Variants in AKAP13 observed in about 807,000 individuals in gnomAD.
AKAP13 encodes the protein A-kinase anchoring protein 13.
A neutral mutation model predicts 264.5 loss-of-function variants in AKAP13; 80 were observed. The ratio of observed to expected loss-of-function variants is 0.30; its 90% CI spans 0.25 to 0.36. The LOEUF (loss-of-function observed/expected upper bound fraction) is 0.36, where lower values mean the gene tolerates loss of function less well. Ranked by LOEUF, AKAP13 falls within the 10% of genes least tolerant of loss-of-function variation. The probability of loss-of-function intolerance (pLI) is 1.00; values close to 1 mark genes in which losing one functional copy is unlikely to be tolerated. For missense variants in AKAP13, 3,712 were observed against 3,435.2 expected (o/e 1.08, Z -2.01); for synonymous variants, 1,380 against 1,250.2 (o/e 1.10, Z -2.19).
At chr15:85,672,447 T>C (rs931486387) in intron 14 of AKAP13, among the ~76,000 whole-genome samples, 10 of 152,202 alleles carry the variant, frequency 6.6e-5, no homozygotes, top group African/African-American at 2.4e-4. Flanking sequence ...TGTTAAAGTG[T>C]GTGTGGTATG....
intron 2 of AKAP13, among the ~76,000 whole-genome samples, chr15:85,490,702 T>C (rs2075696723): frequency 6.6e-6 from 1 of 152,232 alleles, no homozygotes; most frequent in African/African-American, 2.4e-5. Flanking sequence ...CTGGGCAATT[T>C]ATTCTTTTAT....
intron 3 of AKAP13, among the ~76,000 whole-genome samples, chr15:85,525,160 G>A (rs774437463): frequency 1.3e-5 from 2 of 148,232 alleles, no homozygotes; most frequent in South Asian, 4.3e-4. Flanking sequence ...TTGGGTTCAC[G>A]CCATCCTCCT....
At chr15:85,630,194 CACACACACACACACATCAT>C (rs767690647) in intron 8 of AKAP13, among the ~76,000 whole-genome samples, 7,033 of 86,820 alleles carry the variant, frequency 0.081, 350 homozygotes, top group Admixed American at 0.21. Context: ...CACACACACA[CACACACACACACACATCAT>C]GAACTAAGAT....
intron 5 of AKAP13, among the ~76,000 whole-genome samples, chr15:85,554,005 G>A (rs1003015983): frequency 1.3e-5 from 2 of 152,116 alleles, no homozygotes; most frequent in South Asian, 2.1e-4. Context: ...TCCTTGGTGC[G>A]AAAAATGCTG....
chr15:85,475,165 G>C (rs2075114215), intron 1 of AKAP13, among the ~76,000 whole-genome samples: 1 of 152,114 alleles, frequency 6.6e-6, no homozygotes, highest in Non-Finnish European at 1.5e-5. Flanking sequence ...CTCTTTGCCG[G>C]ATATCTATTT....
At chr15:85,641,983 G>A (rs1258446781) in intron 9 of AKAP13, among the ~76,000 whole-genome samples, 1 of 152,092 alleles carries the variant, frequency 6.6e-6, no homozygotes, top group African/African-American at 2.4e-5. Flanking sequence ...CTTTTAAAAA[G>A]TTTGTATTAT....
At chr15:85,732,629 CCTTT>C (rs1415168184) in intron 30 of AKAP13, among the ~76,000 whole-genome samples, 1 of 132,410 alleles carries the variant, frequency 7.6e-6, no homozygotes, top group African/African-American at 2.8e-5. Context: ...ATCTCTATTT[CCTTT>C]CTTTCACATT....
chr15:85,507,269 A>C (rs2076255661), intron 2 of AKAP13, among the ~76,000 whole-genome samples: 1 of 152,110 alleles, frequency 6.6e-6, no homozygotes, highest in South Asian at 2.1e-4. Context: ...GTGGTTGGCA[A>C]GCTACAGCCT....
intron 35 of AKAP13, among the ~76,000 whole-genome samples, 187 bp from the exon 36 acceptor site, chr15:85,743,298 GATACTAC>G (rs2089192669): frequency 6.6e-6 from 1 of 152,126 alleles, no homozygotes; most frequent in Non-Finnish European, 1.5e-5. Flanking sequence ...CATGTTTATA[GATACTAC>G]TTGGGGGAGG....
At chr15:85,693,199 A>C in intron 16 of AKAP13, 78 bp from the exon 17 acceptor site, 1 of 1,436,656 alleles carries the variant, frequency 7.0e-7, no homozygotes, top group Non-Finnish European at 9.1e-7. Context: ...TGTTAACCAC[A>C]TGCCATCTGG....
chr15:85,617,914 C>T (rs1468901615), intron 8 of AKAP13, among the ~76,000 whole-genome samples: 1 of 152,162 alleles, frequency 6.6e-6, no homozygotes, highest in Non-Finnish European at 1.5e-5. Context: ...TTTTAAATCT[C>T]TGTCAAATCG....
At chr15:85,659,304 G>A (rs908638411) in intron 12 of AKAP13, among the ~76,000 whole-genome samples, 8 of 152,114 alleles carry the variant, frequency 5.3e-5, no homozygotes, top group African/African-American at 1.9e-4. Context: ...AAAATATTTA[G>A]AAATCCAAAA....
Position 85,741,346 on chromosome 15 carries a change from C to T in AKAP13, c.7909C>T (p.Arg2637Trp), listed in dbSNP as rs758809249. The stretch of plus-strand genomic sequence containing the variant: ...GGGGCAGCAGGACCTGGAAAAGGAG[C>T]GGGAGGAGCTCCAGCAGAAGAAGGG... ...QQGQQDLEKEREELQQKKGTY... is the reference protein window; with the variant it reads ...QQGQQDLEKEWEELQQKKGTY... The change falls in exon 35 of 37, where the codon CGG (arginine) becomes TGG (tryptophan). Residue 2637 changes from arginine to tryptophan, a missense_variant. This residue lies in a region of AKAP13 where 611 missense variants were observed against 539.3 expected (regional missense o/e 1.13). Transcript: ENST00000394518. 17 of 1,613,552 alleles carry T rather than the reference C, an allele frequency of 1.1e-5. No individual in the cohort carries two copies. The East Asian group carries it at 2.0e-4, about 19-fold the overall frequency.
At chr15:85,716,011 T>TC in intron 20 of AKAP13, 88 bp downstream of exon 20, 1 of 1,511,872 alleles carries the variant, frequency 6.6e-7, no homozygotes, top group East Asian at 2.4e-5. Context: ...GCTTTTTTTT[T>TC]TTTTTAAGAA....
At position 85,646,072 on chromosome 15, in the gene AKAP13, T is replaced by G. The variant is rs1293480957; in HGVS notation, c.4374+118T>G. 11 of 1,258,280 alleles carry G rather than the reference T, an allele frequency of 8.7e-6. No individual in the cohort carries two copies. In the African/African-American group the frequency reaches 1.7e-4, roughly 19 times the overall value. The allele number at this position is 1,258,280 out of a possible 1,614,324, so 77.9% of individuals were successfully genotyped here. A position where few individuals can be genotyped will look rare whatever the true frequency, so the allele number is the denominator to read the frequency against. On this transcript the variant is annotated intron_variant, in intron 10 of 36. Transcript: ENST00000394518. ...GTGCTCTCCTGTTTCCCTAAATATG[T>G]AACTCCTGCTAGTAAGTTGTGATCC...
At chr15:85,547,243 A>G (rs941438597) in intron 5 of AKAP13, among the ~76,000 whole-genome samples, 2 of 152,118 alleles carry the variant, frequency 1.3e-5, no homozygotes, top group African/African-American at 4.8e-5. Flanking sequence ...ATTTAACCCC[A>G]TTTATAGCCC....
At chr15:85,730,998 T>G (rs74539386) in intron 30 of AKAP13, among the ~76,000 whole-genome samples, 2 of 30,802 alleles carry the variant, frequency 6.5e-5, no homozygotes, top group East Asian at 9.2e-4. Context: ...TCACTTATGC[T>G]TTTTTTTTTT....
intron 1 of AKAP13, among the ~76,000 whole-genome samples, chr15:85,399,321 C>T (rs1210991609): frequency 4.7e-5 from 7 of 149,464 alleles, no homozygotes; most frequent in East Asian, 1.9e-4. Flanking sequence ...AAGGTGAAAC[C>T]CCGTCTCTAC....
At chr15:85,609,453 A>AT (rs1434284703) in intron 8 of AKAP13, among the ~76,000 whole-genome samples, 3 of 152,094 alleles carry the variant, frequency 2.0e-5, no homozygotes, top group Non-Finnish European at 4.4e-5. Context: ...GGATTTCATT[A>AT]TTTTTTACAG....
Sources: gnomAD v4.1 joint callset for allele counts (sites outside exome capture counted in the v4.1 genomes callset) on GRCh38, gnomAD v4.1.1 for gene constraint, gnomAD v4.1.1 regional missense constraint, MANE v1.5 for transcripts, NCBI Gene and HGNC (gene_info 2026-07-23, HGNC 2026-07-21) for gene names.